Variants in SLC9A8 observed in about 807,000 individuals in gnomAD.
SLC9A8 encodes sodium/hydrogen exchanger 8.
SLC9A8 carries 48 observed loss-of-function variants against 66.6 expected under a neutral mutation model. The observed-to-expected ratio is 0.72, with a 90% CI of 0.57 to 0.92. The LOEUF (loss-of-function observed/expected upper bound fraction) is 0.92, where lower values mean the gene tolerates loss of function less well. Among genes scored for constraint, SLC9A8 ranks in the 40% least tolerant of loss-of-function variants. SLC9A8 has a pLI of 0.00. For missense variants in SLC9A8, 599 were observed against 747.3 expected, an observed-to-expected ratio of 0.80 and a Z score of 2.31; for synonymous variants, 274 against 282.6, an observed-to-expected ratio of 0.97 and a Z score of 0.31.
intron 8 of SLC9A8, among the ~76,000 whole-genome samples, chr20:49,859,621 T>C (rs532273329): frequency 7.3e-4 from 111 of 152,306 alleles, no homozygotes; most frequent in Non-Finnish European, 1.4e-3. Flanking sequence ...GACACATTTA[T>C]CTTTGCAACT....
chr20:49,874,213 G>A (rs1445194162), intron 10 of SLC9A8, among the ~76,000 whole-genome samples: 2 of 124,832 alleles, frequency 1.6e-5, no homozygotes, highest in Non-Finnish European at 3.5e-5. Context: ...AAGATCGCAC[G>A]CACTATTGCA....
intron 10 of SLC9A8, among the ~76,000 whole-genome samples, chr20:49,872,152 T>G (rs1375905206): frequency 1.3e-5 from 2 of 152,120 alleles, no homozygotes; most frequent in African/African-American, 4.8e-5. Flanking sequence ...ACTCTTGAGC[T>G]TCAAAGAGCC....
rs141038993 is a variant in SLC9A8, at chr20:49,826,593, A to G, written c.289+3452A>G. Among the ~76,000 whole-genome samples, 960 of 152,314 alleles carry G rather than the reference A, an allele frequency of 6.3e-3. 10 individuals carry two copies. Among genetic ancestry groups the G allele is most frequent in the Middle Eastern group, 0.02 (6 of 294 alleles). The stretch of plus-strand genomic sequence containing the variant: ...CCTCCTTCTACCTTACTGTATTTTT[A>G]AATGAGTGTCTGTCTGGCCACTTTT... On this transcript the variant is annotated intron_variant, in intron 3 of 15. Transcript: ENST00000361573.
Position 49,823,097 on chromosome 20 carries a change from A to G in SLC9A8, c.245A>G (p.Tyr82Cys). 1 of 1,612,848 alleles carries G rather than the reference A, an allele frequency of 6.2e-7. No individual in the cohort carries two copies. Among genetic ancestry groups the G allele is most frequent in the Non-Finnish European group, 8.5e-7 (1 of 1,179,540 alleles). ...CIILVHLLIR[Y>C]RLHFLPESVA... Reference sequence around the variant, plus strand: ...ATATTGGTGCATTTACTGATCCGATACAGATTACATTTCTTGCCAGAGAGT... The same window carrying G: ...ATATTGGTGCATTTACTGATCCGATGCAGATTACATTTCTTGCCAGAGAGT... The change falls in exon 3 of 16, where the codon TAC becomes TGC. Residue 82 changes from tyrosine to cysteine, a missense_variant. Transcript: ENST00000361573.
intron 2 of SLC9A8, among the ~76,000 whole-genome samples, chr20:49,817,719 G>A (rs13433179): frequency 2.0e-5 from 3 of 151,976 alleles, no homozygotes; most frequent in African/African-American, 7.3e-5. Flanking sequence ...CTTATAAACC[G>A]ATACTGAAAA....
chr20:49,882,403 G>A (rs1486252477), intron 13 of SLC9A8, among the ~76,000 whole-genome samples: 2 of 152,140 alleles, frequency 1.3e-5, no homozygotes, highest in East Asian at 1.9e-4. Flanking sequence ...TCTCTTCCCC[G>A]GCCTCTGGGC....
intron 7 of SLC9A8, 22 bp from the exon 8 acceptor site, chr20:49,855,416 C>A: frequency 6.2e-7 from 1 of 1,612,026 alleles, no homozygotes; most frequent in Non-Finnish European, 8.5e-7. Flanking sequence ...ACAGAATCTC[C>A]CCTTCCCTCT....
chr20:49,841,220 C>T (rs893429318), intron 4 of SLC9A8, among the ~76,000 whole-genome samples: 6 of 151,484 alleles, frequency 4.0e-5, no homozygotes, highest in Non-Finnish European at 5.9e-5. Context: ...GCAGGAGGAT[C>T]GCTTGAGCCC....
chr20:49,865,599 G>A (rs918921463), intron 10 of SLC9A8, among the ~76,000 whole-genome samples: 1 of 152,140 alleles, frequency 6.6e-6, no homozygotes, highest in African/African-American at 2.4e-5. Flanking sequence ...GGCCCTAGAA[G>A]ATGATGCTCA....
chr20:49,848,625 T>G (rs1201670453), intron 5 of SLC9A8, among the ~76,000 whole-genome samples: 1 of 152,240 alleles, frequency 6.6e-6, no homozygotes, highest in Non-Finnish European at 1.5e-5. Flanking sequence ...CTTAATTTTA[T>G]GGAAATTTGA....
chr20:49,843,177 A>C (rs759617400), intron 4 of SLC9A8, among the ~76,000 whole-genome samples: 2 of 151,316 alleles, frequency 1.3e-5, no homozygotes, highest in Admixed American at 6.6e-5. Context: ...CTATAGGTAG[A>C]TTCTCCTTTT....
intron 5 of SLC9A8, among the ~76,000 whole-genome samples, chr20:49,845,628 C>G (rs1404267914): frequency 6.6e-6 from 1 of 152,166 alleles, no homozygotes; most frequent in Non-Finnish European, 1.5e-5. Context: ...CTTCATCCCT[C>G]AACCTCTATC....
intron 8 of SLC9A8, among the ~76,000 whole-genome samples, chr20:49,858,425 A>G (rs1201435112): frequency 6.6e-6 from 1 of 150,704 alleles, no homozygotes; most frequent in African/African-American, 2.4e-5. Context: ...GTGACAAGGA[A>G]TTTTGCCTAA....
chr20:49,837,610 A>G (rs980773342), intron 3 of SLC9A8, among the ~76,000 whole-genome samples: 1 of 151,910 alleles, frequency 6.6e-6, no homozygotes, highest in Admixed American at 6.6e-5. Flanking sequence ...CACTCTGTCC[A>G]CCAGGCTGGA....
At position 49,855,495 on chromosome 20, in the gene SLC9A8, C is replaced by A. The variant is rs199598441; in HGVS notation, c.627C>A (p.Phe209Leu). The change falls in exon 8 of 16, where the codon TTC becomes TTA. Residue 209 changes from phenylalanine to leucine, a missense_variant. By Grantham distance (22) the Phe-to-Leu change is conservative. Transcript: ENST00000361573. ...AVDPVATIAI[F>L]NALHVDPVLN... ...ATCCAGTGGCCACTATTGCCATTTT[C>A]AATGCACTTCATGTGGACCCCGTGC... is the stretch of plus-strand genomic sequence containing the variant. The A allele has an allele frequency of 1.2e-6, 2 of 1,614,184 alleles. No individual in the cohort carries two copies. Among genetic ancestry groups the A allele is most frequent in the East Asian group, 4.5e-5 (2 of 44,888 alleles).
chr20:49,851,047 C>G (rs1254566094), intron 7 of SLC9A8, among the ~76,000 whole-genome samples: 3 of 152,086 alleles, frequency 2.0e-5, no homozygotes, highest in African/African-American at 4.8e-5. Flanking sequence ...TTTGAAGATC[C>G]CTAGTGGGGC....
intron 10 of SLC9A8, 30 bp downstream of exon 10, chr20:49,864,874 G>A (rs774268818): frequency 7.1e-7 from 1 of 1,412,896 alleles, no homozygotes; most frequent in East Asian, 2.3e-5. Flanking sequence ...AAAGTGCTGT[G>A]GTGATGGCAT....
At chr20:49,828,971 A>G (rs1008703409) in intron 3 of SLC9A8, among the ~76,000 whole-genome samples, 61 of 151,160 alleles carry the variant, frequency 4.0e-4, no homozygotes, top group Non-Finnish European at 1.0e-4. Context: ...CAGTGCAAAT[A>G]CATAGGTGTG....
intron 10 of SLC9A8, among the ~76,000 whole-genome samples, chr20:49,872,511 A>T (rs1600783306): frequency 1.3e-5 from 2 of 148,980 alleles, no homozygotes; most frequent in South Asian, 4.3e-4. Flanking sequence ...TTTGAGACAG[A>T]GTCTTGCTCT....
Sources: gnomAD v4.1 joint callset for allele counts (sites outside exome capture counted in the v4.1 genomes callset) on GRCh38, gnomAD v4.1.1 for gene constraint, MANE v1.5 for transcripts, NCBI Gene and HGNC (gene_info 2026-07-23, HGNC 2026-07-21) for gene names.